SSBP2: variants seen among roughly 807,000 people sequenced by gnomAD.
SSBP2 encodes single-stranded DNA-binding protein 2.
A neutral mutation model predicts 61.8 loss-of-function variants in SSBP2; 17 were observed. The ratio of observed to expected loss-of-function variants is 0.28; its 90% CI spans 0.19 to 0.41. The LOEUF is 0.41. SSBP2 is among the 10% of genes least tolerant of loss of function. The pLI, the probability that SSBP2 is intolerant of heterozygous loss-of-function variation, is 1.00. For synonymous variants in SSBP2, 139 were observed against 141.3 expected, an observed-to-expected ratio of 0.98 and a Z score of 0.12; for missense variants, 310 against 458.7, an observed-to-expected ratio of 0.68 and a Z score of 2.96.
chr5:81,429,364 T>C (rs546779631), intron 15 of SSBP2, among the ~76,000 whole-genome samples: 222 of 152,324 alleles, frequency 1.5e-3, no homozygotes, highest in African/African-American at 5.0e-3. Flanking sequence ...ATGACTGTTA[T>C]TAGCAATCTA....
intron 5 of SSBP2, among the ~76,000 whole-genome samples, chr5:81,510,702 G>A (rs765956670): frequency 2.0e-5 from 3 of 151,806 alleles, no homozygotes; most frequent in Admixed American, 6.6e-5. Flanking sequence ...CGGAGGTTGC[G>A]GTGAGCCGAG....
chr5:81,447,039 AATTT>A, intron 11 of SSBP2, 117 bp from the exon 12 acceptor site: 1 of 684,450 alleles, frequency 1.5e-6, no homozygotes, highest in Non-Finnish European at 2.3e-6. Flanking sequence ...TATTTTCTCT[AATTT>A]ATTTTCTTTG....
chr5:81,488,723 T>G (rs1220944139), intron 6 of SSBP2, among the ~76,000 whole-genome samples: 1 of 107,226 alleles, frequency 9.3e-6, no homozygotes, highest in African/African-American at 3.7e-5. Context: ...CCCACAACAG[T>G]CCCCAGTGTG....
chr5:81,655,277 CT>C (rs1270235055), intron 1 of SSBP2, among the ~76,000 whole-genome samples: 1 of 151,946 alleles, frequency 6.6e-6, no homozygotes, highest in African/African-American at 2.4e-5. Flanking sequence ...CTTCCTTTTC[CT>C]TTTTTTCATC....
chr5:81,436,434 C>A (rs1426350644), intron 15 of SSBP2, among the ~76,000 whole-genome samples: 2 of 151,856 alleles, frequency 1.3e-5, no homozygotes, highest in Non-Finnish European at 2.9e-5. Flanking sequence ...TATAGACATC[C>A]AAAATACATG....
chr5:81,687,634 C>T (rs1375387425), intron 1 of SSBP2, among the ~76,000 whole-genome samples: 1 of 152,274 alleles, frequency 6.6e-6, no homozygotes, highest in East Asian at 1.9e-4. Context: ...GTAAAGAGGG[C>T]TTTGTTTTGC....
chr5:81,525,802 G>A (rs1484843644), intron 4 of SSBP2, among the ~76,000 whole-genome samples: 1 of 151,942 alleles, frequency 6.6e-6, no homozygotes, highest in Non-Finnish European at 1.5e-5. Context: ...GTCTGCTGTG[G>A]GACCTCTCTC....
intron 3 of SSBP2, among the ~76,000 whole-genome samples, chr5:81,623,455 C>A (rs182663886): frequency 1.4e-3 from 215 of 151,758 alleles, no homozygotes; most frequent in African/African-American, 4.9e-3. Context: ...CCTGCCTCAG[C>A]CTCCCGAGTA....
intron 4 of SSBP2, among the ~76,000 whole-genome samples, chr5:81,607,573 G>C (rs755825562): frequency 3.9e-5 from 6 of 152,088 alleles, no homozygotes; most frequent in African/African-American, 7.2e-5. Context: ...TGAAGAAAGG[G>C]CTAATATGTT....
chr5:81,475,892 T>A (rs547525838), intron 6 of SSBP2, among the ~76,000 whole-genome samples: 1 of 152,056 alleles, frequency 6.6e-6, no homozygotes, highest in Admixed American at 6.5e-5. Context: ...GATTGAATAA[T>A]TGTGTGTGTA....
intron 8 of SSBP2, among the ~76,000 whole-genome samples, chr5:81,471,406 C>T (rs34161595): frequency 0.14 from 21,107 of 151,522 alleles, 1,878 homozygotes; most frequent in Admixed American, 0.2. Flanking sequence ...GAGCAGCTAG[C>T]TGAAAAATAA....
intron 5 of SSBP2, among the ~76,000 whole-genome samples, chr5:81,510,948 G>T (rs985494373): frequency 6.6e-6 from 1 of 152,052 alleles, no homozygotes; most frequent in Non-Finnish European, 1.5e-5. Context: ...TTAGGATCAA[G>T]TTCAAACTCT....
At chr5:81,737,180 GATA>G (rs1756677856) in intron 1 of SSBP2, among the ~76,000 whole-genome samples, 2 of 149,996 alleles carry the variant, frequency 1.3e-5, no homozygotes, top group Non-Finnish European at 3.0e-5. Flanking sequence ...ATCCTTTAAT[GATA>G]ATAATAATAA....
At chr5:81,574,243 T>C (rs1018934101) in intron 4 of SSBP2, among the ~76,000 whole-genome samples, 22 of 151,708 alleles carry the variant, frequency 1.5e-4, no homozygotes, top group African/African-American at 5.3e-4. Context: ...CAGAATAACA[T>C]TTAAATTGAA....
chr5:81,583,839 A>G (rs1030908937), intron 4 of SSBP2, among the ~76,000 whole-genome samples: 1 of 152,180 alleles, frequency 6.6e-6, no homozygotes, highest in Non-Finnish European at 1.5e-5. Flanking sequence ...CATTCCAGAA[A>G]GGTGCATCCA....
rs143195400 is a variant in SSBP2 at position 81,661,953 on chromosome 5, T to C, written c.63-11614A>G. 3.7e-3 allele frequency among the ~76,000 whole-genome samples: 564 copies of C among 152,332 alleles called. 2 individuals are homozygous for C. The highest frequency in any genetic ancestry group is 0.012 in the African/African-American group (509 of 41,578). ...GAAGCTTTTCACCTATGTTTTCTTC[T>C]AGTAGCTTTATGGTTTCAAGTCTTA... is the stretch of plus-strand genomic sequence containing the variant. On this transcript the variant is annotated intron_variant, in intron 1 of 16. Coordinates refer to ENST00000320672, the MANE Select transcript of SSBP2 (RefSeq NM_012446.5).
rs115229724 is a variant in SSBP2 at position 81,638,944 on chromosome 5, C to A, written c.136-2326G>T. Among the ~76,000 whole-genome samples, 921 of 152,298 alleles carry A rather than the reference C, an allele frequency of 6.0e-3. 7 individuals are homozygous for A. The highest frequency in any genetic ancestry group is 0.021 in the African/African-American group (858 of 41,560). ...ATCATGTATACCAAATTCAGATCAC[C>A]ATTAAAATATCATTCTAAAGCTAAC... is the stretch of plus-strand genomic sequence containing the variant. On this transcript the variant is annotated intron_variant, in intron 2 of 16. Transcript: ENST00000320672.
chr5:81,497,842 CAGTATTTAGT>C (rs1767404757), intron 5 of SSBP2, among the ~76,000 whole-genome samples: 1 of 152,022 alleles, frequency 6.6e-6, no homozygotes, highest in South Asian at 2.1e-4. Flanking sequence ...TACAGAATTG[CAGTATTTAGT>C]AAACATGATT....
intron 1 of SSBP2, among the ~76,000 whole-genome samples, chr5:81,727,910 A>G (rs1448187622): frequency 2.0e-5 from 3 of 152,162 alleles, no homozygotes; most frequent in African/African-American, 7.2e-5. Flanking sequence ...GGGAGGACCT[A>G]CTTTAGAAAG....
Sources: gnomAD v4.1 joint callset for allele counts (sites outside exome capture counted in the v4.1 genomes callset) on GRCh38, gnomAD v4.1.1 for gene constraint, MANE v1.5 for transcripts, NCBI Gene and HGNC (gene_info 2026-07-23, HGNC 2026-07-21) for gene names.